The following ERCC8 variants were observed in gnomAD, a reference collection of about 807,000 sequenced individuals.
The protein encoded by ERCC8 is ERCC excision repair 8, CSA ubiquitin ligase complex subunit.
A neutral mutation model predicts 54.9 loss-of-function variants in ERCC8; 52 were observed. The ratio of observed to expected loss-of-function variants is 0.95; its 90% confidence interval spans 0.76 to 1.19. The LOEUF (loss-of-function observed/expected upper bound fraction) is 1.19, where lower values mean the gene tolerates loss of function less well. ERCC8 is among the 50% of genes most tolerant of loss of function. The pLI, the probability that ERCC8 is intolerant of heterozygous loss-of-function variation, is 0.00. For synonymous variants in ERCC8, 146 were observed against 157.2 expected, an observed-to-expected ratio of 0.93 and a Z score of 0.53; for missense variants, 514 against 466.1, an observed-to-expected ratio of 1.10 and a Z score of -0.95.
intron 1 of ERCC8, among the ~76,000 whole-genome samples, chr5:60,937,617 C>T (rs1193234166): frequency 2.6e-5 from 4 of 152,194 alleles, no homozygotes; most frequent in African/African-American, 9.6e-5. Context: ...TCCCATGCAA[C>T]CTACAGCCTA....
intron 5 of ERCC8, among the ~76,000 whole-genome samples, chr5:60,904,403 C>T (rs1748991671): frequency 6.6e-6 from 1 of 151,514 alleles, no homozygotes; most frequent in South Asian, 2.1e-4. Context: ...TAATTTGAAT[C>T]ACAATCTTAG....
intron 4 of ERCC8, among the ~76,000 whole-genome samples, chr5:60,908,577 A>ATT (rs1396881597): frequency 6.6e-5 from 6 of 90,310 alleles, no homozygotes; most frequent in African/African-American, 2.2e-4. Context: ...ATATATATAT[A>ATT]TATATATTTT....
In ERCC8 at chr5:60,869,744, T is replaced by C. The variant is rs1159212460; in HGVS notation, c.*4871A>G. Among the ~76,000 whole-genome samples the C allele has an allele frequency of 6.6e-6, 1 of 152,330 alleles. No homozygotes were observed. The highest frequency in any genetic ancestry group is 1.9e-4 in the East Asian group (1 of 5,194). ...TATGGCTATGTTAATAAAATGTGCA[T>C]TTATTATTTCTACATATTTTTTTAA... On this transcript the variant is annotated 3_prime_UTR_variant, in exon 12 of 12. Transcript: ENST00000676185.
intron 11 of ERCC8, among the ~76,000 whole-genome samples, chr5:60,876,862 T>C (rs1297084960): frequency 2.0e-5 from 3 of 152,224 alleles, no homozygotes; most frequent in Non-Finnish European, 4.4e-5. Flanking sequence ...TTTCTTTTGC[T>C]GTGCAGAAGC....
chr5:60,944,319 C>T (rs952147015), intron 1 of ERCC8, among the ~76,000 whole-genome samples: 2 of 152,116 alleles, frequency 1.3e-5, no homozygotes, highest in Admixed American at 1.3e-4. Context: ...CCTAACTTGG[C>T]TCCCACTCTT....
intron 6 of ERCC8, among the ~76,000 whole-genome samples, chr5:60,903,103 TTAACA>T (rs1486590156): frequency 6.6e-6 from 1 of 151,972 alleles, no homozygotes; most frequent in Non-Finnish European, 1.5e-5. Flanking sequence ...TCAACTTTTC[TTAACA>T]TATTTGTTAT....
chr5:60,924,592 TA>T (rs1749695239), intron 2 of ERCC8: 2 of 154,598 alleles, frequency 1.3e-5, no homozygotes, highest in Non-Finnish European at 2.9e-5. Flanking sequence ...TTATTTATCC[TA>T]GAAAAGCTTT....
At chr5:60,898,910 T>C (rs988799558) in intron 8 of ERCC8, among the ~76,000 whole-genome samples, 4 of 151,334 alleles carry the variant, frequency 2.6e-5, no homozygotes, top group African/African-American at 9.7e-5. Context: ...TAAAAACATA[T>C]AAAACATGTT....
At position 60,880,194 on chromosome 5, in the gene ERCC8, C is replaced by A. The variant is rs576748688; in HGVS notation, c.1123-5511G>T. Among the ~76,000 whole-genome samples, 6 of 152,258 alleles carry A rather than the reference C, an allele frequency of 3.9e-5. No homozygotes were observed. In the East Asian group the frequency reaches 1.2e-3, roughly 29 times the overall value. On this transcript the variant is annotated intron_variant, in intron 11 of 11. Transcript: ENST00000676185. The stretch of plus-strand genomic sequence containing the variant: ...TCTTTAAGAATGTTGAATATTGGCC[C>A]CCACTCTCTTCTGGCTTGTAGAGTT...
Position 60,906,812 on chromosome 5 carries a change from A to G in ERCC8, c.400-1939T>C, listed in dbSNP as rs139305845. Among the ~76,000 whole-genome samples, 36 of 152,338 alleles carry G rather than the reference A, an allele frequency of 2.4e-4. No individual in the cohort carries two copies. The East Asian group carries it at 6.7e-3, about 29-fold the overall frequency. ...ATAGAGTATTAACTAAATGTCTTCC[A>G]AAGTTAGCTTGGCCAAAGCCCAGCA... On this transcript the variant is annotated intron_variant, in intron 4 of 11. Transcript: ENST00000676185.
rs1207337103 is a variant in ERCC8, at chr5:60,868,109, G to A, written c.*6506C>T. Among the ~76,000 whole-genome samples, 1 of 152,230 alleles carries A rather than the reference G, an allele frequency of 6.6e-6. No homozygotes were observed. Among genetic ancestry groups the A allele is most frequent in the Admixed American group, 6.5e-5 (1 of 15,278 alleles). The stretch of plus-strand genomic sequence containing the variant: ...GCAGGAGAATCGCTTGAACCCAGGA[G>A]GCGGAGGTTGCGGTGAGCTGAGGTC... On this transcript the variant is annotated 3_prime_UTR_variant, in exon 12 of 12. Coordinates refer to ENST00000676185, the MANE Select transcript of ERCC8 (RefSeq NM_000082.4).
In ERCC8 at chr5:60,891,172, A is replaced by T. The variant is rs1251644083; in HGVS notation, c.844-86T>A. 3.3e-6 allele frequency: 3 copies of T among 921,298 alleles called. No individual in the cohort carries two copies. In the African/African-American group the frequency reaches 5.0e-5, roughly 15 times the overall value. The allele number at this position is 921,298 out of a possible 1,614,324, so 57.1% of individuals were successfully genotyped here. On this transcript the variant is annotated intron_variant, in intron 9 of 11. Transcript: ENST00000676185. ...GCCTAGGAGAAATACTTAAAATATT[A>T]TGCTATAAAAAGGGCTCTTTTAAAT... is the stretch of plus-strand genomic sequence containing the variant.
chr5:60,889,069 C>T (rs73759436), intron 10 of ERCC8, among the ~76,000 whole-genome samples: 4,354 of 152,264 alleles, frequency 0.029, 143 homozygotes, highest in African/African-American at 0.076. Flanking sequence ...CTGCCCTTCA[C>T]ATTTGGCTTG....
intron 11 of ERCC8, among the ~76,000 whole-genome samples, chr5:60,883,136 A>G (rs918188378): frequency 6.6e-6 from 1 of 152,244 alleles, no homozygotes; most frequent in Non-Finnish European, 1.5e-5. Context: ...ACTTCATCAT[A>G]AATTATTTTT....
chr5:60,884,629 G>A (rs1277348375), intron 11 of ERCC8, among the ~76,000 whole-genome samples: 2 of 151,396 alleles, frequency 1.3e-5, no homozygotes, highest in African/African-American at 4.9e-5. Context: ...TTTAAACATG[G>A]CTTAAATTAT....
intron 3 of ERCC8, among the ~76,000 whole-genome samples, chr5:60,921,563 A>G (rs1749600392): frequency 1.3e-5 from 2 of 151,894 alleles, no homozygotes; most frequent in African/African-American, 4.8e-5. Context: ...GACATCTTTG[A>G]GTAAGTAGAG....
intron 1 of ERCC8, among the ~76,000 whole-genome samples, chr5:60,944,419 A>G (rs1431358380): frequency 6.6e-6 from 1 of 152,074 alleles, no homozygotes; most frequent in African/African-American, 2.4e-5. Context: ...TCAAGTACAC[A>G]AGGCTCTTCC....
chr5:60,933,223 T>C (rs1239842221), intron 1 of ERCC8, among the ~76,000 whole-genome samples: 20 of 136,422 alleles, frequency 1.5e-4, no homozygotes, highest in African/African-American at 2.7e-4. Flanking sequence ...TTTCTTTTTT[T>C]TTTTTTTTTT....
At chr5:60,905,950 C>G (rs79166643) in intron 4 of ERCC8, among the ~76,000 whole-genome samples, 2,002 of 151,970 alleles carry the variant, frequency 0.013, 47 homozygotes, top group African/African-American at 0.046. Flanking sequence ...GGGGAATGGT[C>G]CTCTTGTGCA....
Sources: allele counts gnomAD v4.1 joint callset (sites outside exome capture counted in the v4.1 genomes callset), GRCh38; gene constraint gnomAD v4.1.1; transcripts MANE v1.5; gene names NCBI Gene and HGNC (gene_info 2026-07-23, HGNC 2026-07-21).